Variants in SELENOW observed in about 807,000 individuals in gnomAD.
SELENOW encodes the protein selenoprotein W, 1.
A neutral mutation model predicts 16.6 loss-of-function variants in SELENOW; 20 were observed. That is an observed-to-expected ratio of 1.21 (90% CI 0.85 to 1.76). The LOEUF (loss-of-function observed/expected upper bound fraction) is 1.76. Among genes scored for constraint, SELENOW ranks in the 40% most tolerant of loss-of-function variants. SELENOW has a pLI of 0.00. For synonymous variants in SELENOW, 44 were observed against 46.2 expected, an observed-to-expected ratio of 0.95 and a Z score of 0.19; for missense variants, 124 against 111.0, an observed-to-expected ratio of 1.12 and a Z score of -0.53.
At chr19:47,781,215 G>C (rs899857796) in intron 4 of SELENOW, 33 bp downstream of exon 4, 3 of 1,607,726 alleles carry the variant, frequency 1.9e-6, no homozygotes, top group South Asian at 2.2e-5. Context: ...CCTGGTTTTG[G>C]GGCTAGCATG....
chr19:47,778,725 C>A lies in SELENOW; in HGVS notation c.-61C>A. On this transcript the variant is annotated 5_prime_UTR_variant, in exon 1 of 6. Transcript: ENST00000601048. ...CGCACTCGCGCAGACCTAGCGCGTC[C>A]AGGTGGGAGGTTAGTGTGGCCCGGG... 1 of 1,560,032 alleles carries A rather than the reference C, an allele frequency of 6.4e-7. No homozygotes were observed. Among genetic ancestry groups the A allele is most frequent in the East Asian group, 2.4e-5 (1 of 41,818 alleles).
intron 1 of SELENOW, 99 bp downstream of exon 1, chr19:47,778,913 C>A: frequency 2.3e-6 from 3 of 1,280,324 alleles, no homozygotes; most frequent in Non-Finnish European, 2.2e-6. Context: ...CCATGGGAGC[C>A]CTTGTATGGG....
rs1290374488 is a variant in SELENOW, at chr19:47,781,309, A to G, written c.203A>G (p.Asp68Gly). Residue 68 changes from aspartate to glycine, a missense_variant, in exon 5 of 6, where the codon GAC becomes GGC. Transcript: ENST00000601048. ...CCCTAGAAAGGCGATGGCTACGTGG[A>G]CACAGAAAGCAAGTTTCTGAAGTTG... ...HSKKKGDGYV[D>G]TESKFLKLVA... is the part of the protein sequence containing the mutation. 6.2e-7 allele frequency: 1 copy of G among 1,613,474 alleles called. No homozygotes were observed. Among genetic ancestry groups the G allele is most frequent in the Non-Finnish European group, 8.5e-7 (1 of 1,179,678 alleles).
Position 47,781,314 on chromosome 19 carries a change from GA to G in SELENOW, c.211del (p.Ser71AlafsTer?). 1.2e-6 allele frequency: 2 copies of G among 1,613,572 alleles called. No individual in the cohort carries two copies. Among genetic ancestry groups the G allele is most frequent in the South Asian group, 2.2e-5 (2 of 91,056 alleles). On this transcript the variant is annotated frameshift_variant, in exon 5 of 6. Coordinates refer to ENST00000601048, the MANE Select transcript of SELENOW (RefSeq NM_003009.4). LOFTEE classifies it high-confidence loss of function. ...KKKGDGYVDT[E>X]SKFLKLVAAI... ...GAAAGGCGATGGCTACGTGGACACA[GA>G]AAGCAAGTTTCTGAAGTTGGTGGCC...
intron 4 of SELENOW, 47 bp downstream of exon 4, chr19:47,781,229 T>C (rs2123697596): frequency 6.2e-7 from 1 of 1,603,314 alleles, no homozygotes; most frequent in Non-Finnish European, 8.5e-7. Context: ...TAGCATGGGG[T>C]TGGGGCTGAG....
In SELENOW at chr19:47,780,208, G is replaced by C. The variant is rs1366051772; in HGVS notation, c.30-517G>C. On this transcript the variant is annotated intron_variant, in intron 1 of 5. Coordinates refer to ENST00000601048, the MANE Select transcript of SELENOW (RefSeq NM_003009.4). ...CGATCCCCTGAGGTTAGGAGTTCGA[G>C]ACCAGCCTGGCCAACATGGTGAAAA... 11 of 412,332 alleles carry C rather than the reference G, an allele frequency of 2.7e-5. No individual in the cohort carries two copies. The East Asian group carries it at 8.0e-4, about 30-fold the overall frequency. 25.5% of individuals were successfully genotyped at this position (412,332 alleles called of 1,614,324 possible). A position where few individuals can be genotyped will look rare whatever the true frequency, so the allele number is the denominator to read the frequency against.
intron 2 of SELENOW, 43 bp from the exon 3 acceptor site, chr19:47,780,821 T>C: frequency 6.2e-7 from 1 of 1,606,672 alleles, no homozygotes. Context: ...GGGAGGGGGC[T>C]GACTGGTATG....
intron 5 of SELENOW, 45 bp downstream of exon 5, chr19:47,781,433 C>T (rs926090950): frequency 3.7e-6 from 4 of 1,073,010 alleles, no homozygotes; most frequent in Non-Finnish European, 5.6e-6. Context: ...TGGATCTTCT[C>T]CCTGCCCCAT....
chr19:47,782,912 A>AC (rs1967492364), intron 5 of SELENOW: 1 of 152,284 alleles, frequency 6.6e-6, no homozygotes, highest in Non-Finnish European at 1.5e-5. Context: ...ACAAAGAACT[A>AC]CTTTCCAGCA....
intron 1 of SELENOW, chr19:47,779,067 A>G (rs1424654804): frequency 2.8e-5 from 14 of 506,622 alleles, no homozygotes; most frequent in South Asian, 2.4e-4. Flanking sequence ...GTGTGTGTCA[A>G]TTTCGAACCC....
chr19:47,780,988 G>A lies in SELENOW; in HGVS notation c.108+71G>A, dbSNP rs756478325. On this transcript the variant is annotated intron_variant, in intron 3 of 5. Transcript: ENST00000601048. ...CGGTCCGTTAGGCCTGGATGGCACT[G>A]CAGGGGGGTTAGGTCAGCCCTACGC... 8.3e-6 allele frequency: 13 copies of A among 1,574,546 alleles called. No homozygotes were observed. In the Admixed American group the frequency reaches 1.7e-4, roughly 20 times the overall value.
intron 1 of SELENOW, chr19:47,779,268 A>T (rs944946127): frequency 1.2e-5 from 2 of 160,364 alleles, no homozygotes; most frequent in Non-Finnish European, 1.4e-5. Flanking sequence ...GCCTCTGCCC[A>T]GTGGGTTCCC....
In SELENOW at chr19:47,781,097, C is replaced by A. The variant is rs200297527; in HGVS notation, c.109-11C>A. ...AGCCCCTCCAACATCTCCCCTACCCCCTTTCCTCAGTGCGGCGAGGGAACT... is the reference window on the plus strand; with the variant it reads ...AGCCCCTCCAACATCTCCCCTACCCACTTTCCTCAGTGCGGCGAGGGAACT... On this transcript the variant is annotated splice_polypyrimidine_tract_variant and intron_variant, in intron 3 of 5. Coordinates refer to ENST00000601048, the MANE Select transcript of SELENOW (RefSeq NM_003009.4). 266 of 1,612,972 alleles carry A rather than the reference C, an allele frequency of 1.6e-4. No homozygotes were observed. The highest frequency in any genetic ancestry group is 2.1e-4 in the Non-Finnish European group (243 of 1,179,144).
intron 5 of SELENOW, chr19:47,783,902 CTTT>C (rs960529678): frequency 1.4e-5 from 2 of 145,236 alleles, no homozygotes; most frequent in Admixed American, 6.9e-5. Flanking sequence ...GCTTTGAATT[CTTT>C]TTTTTTTTTG....
chr19:47,779,934 T>G (rs930196255), intron 1 of SELENOW: 2 of 279,836 alleles, frequency 7.1e-6, no homozygotes, highest in African/African-American at 4.4e-5. Context: ...CAGGGGTAAC[T>G]GGAACCTGGG....
chr19:47,780,882 AAGTTAG>A lies in SELENOW; in HGVS notation c.75_80del (p.Leu26_Glu27del), dbSNP rs760986739. ...TTTTCAGTATCTTCAGCTCAAGAAG[AAGTTAG>A]AAGATGAGTTCCCCGGCCGCCTGGA... On this transcript the variant is annotated inframe_deletion, in exon 3 of 6. Transcript: ENST00000601048. 13 of 1,613,066 alleles carry A rather than the reference AAGTTAG, an allele frequency of 8.1e-6. No homozygotes were observed. In the East Asian group the frequency reaches 2.5e-4, roughly 30 times the overall value.
rs1259088152 is a variant in SELENOW at position 47,784,443 on chromosome 19, C to G, written c.*172C>G. ...GGTCTTTGCCTCTGAGCGGGAGAGT[C>G]TGTGTGTATGTGTCTTCCCCGGAAT... On this transcript the variant is annotated 3_prime_UTR_variant, in exon 6 of 6. Coordinates refer to ENST00000601048, the MANE Select transcript of SELENOW (RefSeq NM_003009.4). 1 of 152,596 alleles carries G rather than the reference C, an allele frequency of 6.6e-6. No homozygotes were observed. The highest frequency in any genetic ancestry group is 2.4e-5 in the African/African-American group (1 of 41,422). 9.5% of individuals were successfully genotyped at this position (152,596 alleles called of 1,614,324 possible). A position where few individuals can be genotyped will look rare whatever the true frequency, so the allele number is the denominator to read the frequency against.
intron 2 of SELENOW, 25 bp downstream of exon 2, chr19:47,780,774 G>A (rs1422277524): frequency 3.8e-6 from 6 of 1,582,958 alleles, no homozygotes; most frequent in Admixed American, 1.8e-5. Flanking sequence ...TGCCCGGGGG[G>A]CATTCCTGGG....
Position 47,778,769 on chromosome 19 carries a change from T to C in SELENOW, c.-17T>C. The stretch of plus-strand genomic sequence containing the variant: ...GCCCGGGCGTCCGCTCCTCAGCGGA[T>C]GTGGCAGCCCCGAGCCATGGCTCTC... On this transcript the variant is annotated 5_prime_UTR_variant, in exon 1 of 6. The change abolishes an upstream ATG in the 5' untranslated region. Transcript: ENST00000601048. 6.2e-7 allele frequency: 1 copy of C among 1,602,376 alleles called. No homozygotes were observed. The highest frequency in any genetic ancestry group is 8.5e-7 in the Non-Finnish European group (1 of 1,175,510).
Sources: allele counts gnomAD v4.1 joint callset, GRCh38; gene constraint gnomAD v4.1.1; transcripts MANE v1.5; gene names NCBI Gene and HGNC (gene_info 2026-07-23, HGNC 2026-07-21).